The following ERC1 variants were observed in gnomAD, a reference collection of about 807,000 sequenced individuals.
ERC1 encodes RAB6 interacting protein 2.
In ERC1, 56 loss-of-function variants were observed where a neutral mutation model predicts 132.0. The ratio of observed to expected loss-of-function variants is 0.42; its 90% CI spans 0.34 to 0.53. The LOEUF is 0.53. ERC1 is among the 20% of genes least tolerant of loss of function. The pLI, the probability that ERC1 is intolerant of heterozygous loss-of-function variation, is 0.03. For missense variants in ERC1, 1,202 were observed against 1,349.9 expected (o/e 0.89, Z 1.72); for synonymous variants, 478 against 476.1 (o/e 1.00, Z -0.05).
At chr12:1,385,930 T>C (rs2089287138) in intron 16 of ERC1, 1 of 151,754 alleles carries the variant, frequency 6.6e-6, no homozygotes, top group Non-Finnish European at 1.5e-5. Flanking sequence ...CATAATGATA[T>C]AACTATAGGA....
chr12:1,192,727 A>C (rs1955857634), intron 12 of ERC1, among the ~76,000 whole-genome samples: 1 of 152,282 alleles, frequency 6.6e-6, no homozygotes, highest in South Asian at 2.1e-4. Flanking sequence ...ACAGTCTTAT[A>C]CTAGAGTGAA....
At chr12:1,434,529 C>A (rs1288706453) in intron 17 of ERC1, among the ~76,000 whole-genome samples, 3 of 152,192 alleles carry the variant, frequency 2.0e-5, no homozygotes, top group Non-Finnish European at 4.4e-5. Context: ...GAGTATCAGT[C>A]CGTTCTGTCA....
chr12:1,154,456 A>C (rs913392219), intron 8 of ERC1, among the ~76,000 whole-genome samples: 18 of 151,982 alleles, frequency 1.2e-4, no homozygotes, highest in Non-Finnish European at 2.4e-4. Context: ...AAACCATAAA[A>C]ATTCTGGAAG....
intron 13 of ERC1, among the ~76,000 whole-genome samples, chr12:1,260,006 C>A (rs1046671793): frequency 3.9e-5 from 6 of 152,192 alleles, no homozygotes; most frequent in African/African-American, 1.4e-4. Flanking sequence ...TAGGTTGTGT[C>A]ATGCTTGTGG....
intron 13 of ERC1, among the ~76,000 whole-genome samples, chr12:1,262,578 G>A (rs905655748): frequency 3.3e-5 from 5 of 152,210 alleles, no homozygotes; most frequent in African/African-American, 7.2e-5. Context: ...TGTCTATGAA[G>A]AATATCATCT....
At chr12:1,008,119 C>A (rs977480945) in intron 1 of ERC1, among the ~76,000 whole-genome samples, 1 of 152,170 alleles carries the variant, frequency 6.6e-6, no homozygotes, top group African/African-American at 2.4e-5. Context: ...CTGCTAGATA[C>A]CGTTCACTAC....
At chr12:1,110,729 G>A (rs1302457206) in intron 5 of ERC1, among the ~76,000 whole-genome samples, 1 of 152,072 alleles carries the variant, frequency 6.6e-6, no homozygotes, top group Non-Finnish European at 1.5e-5. Context: ...TTGAGATGGA[G>A]TTTCGCTCTT....
At chr12:1,137,079 T>TTTTC (rs1290646234) in intron 7 of ERC1, among the ~76,000 whole-genome samples, 1 of 151,182 alleles carries the variant, frequency 6.6e-6, no homozygotes, top group African/African-American at 2.4e-5. Context: ...TTCTTTTTCT[T>TTTTC]TTTCTTTCTT....
chr12:1,098,969 T>C (rs1208254403), intron 3 of ERC1, among the ~76,000 whole-genome samples: 1 of 152,156 alleles, frequency 6.6e-6, no homozygotes, highest in African/African-American at 2.4e-5. Context: ...CAGGAGAGTG[T>C]GATGTCCTAA....
chr12:1,313,906 C>G (rs1229747115), intron 15 of ERC1, among the ~76,000 whole-genome samples: 1 of 152,122 alleles, frequency 6.6e-6, no homozygotes, highest in Non-Finnish European at 1.5e-5. Flanking sequence ...ATTGCTTGAA[C>G]CTGGAAGGCG....
At chr12:1,247,861 T>C (rs1326824879) in intron 13 of ERC1, among the ~76,000 whole-genome samples, 7 of 152,126 alleles carry the variant, frequency 4.6e-5, no homozygotes, top group Admixed American at 4.6e-4. Flanking sequence ...CCGGGTGTGG[T>C]GGCACATGCC....
At chr12:1,058,001 G>GT (rs999211200) in intron 2 of ERC1, among the ~76,000 whole-genome samples, 4 of 151,336 alleles carry the variant, frequency 2.6e-5, no homozygotes, top group East Asian at 1.9e-4. Context: ...ATCAGATTAG[G>GT]TTTTTTTTGT....
intron 14 of ERC1, among the ~76,000 whole-genome samples, chr12:1,278,171 T>A (rs768382343): frequency 2.0e-5 from 3 of 152,244 alleles, no homozygotes. Flanking sequence ...CCAACAGGGC[T>A]GCCACTTCAA....
chr12:1,442,177 C>T (rs2093174110), intron 17 of ERC1, among the ~76,000 whole-genome samples: 1 of 152,246 alleles, frequency 6.6e-6, no homozygotes, highest in South Asian at 2.1e-4. Flanking sequence ...ATCTGCCCAC[C>T]TTGGCCTCCC....
At chr12:1,004,401 C>CTTTTTTTTTTTTTTTT (rs71055118) in intron 1 of ERC1, among the ~76,000 whole-genome samples, 2 of 95,024 alleles carry the variant, frequency 2.1e-5, no homozygotes, top group African/African-American at 4.1e-5. Flanking sequence ...TTTTCTTTCT[C>CTTTTTTTTTTTTTTTT]TTTTTTTTTT....
chr12:1,393,320 A>G (rs888165712), intron 16 of ERC1, among the ~76,000 whole-genome samples: 4 of 152,220 alleles, frequency 2.6e-5, no homozygotes, highest in African/African-American at 7.2e-5. Flanking sequence ...ACTTGAGCCC[A>G]GGAGTTAGTG....
intron 16 of ERC1, among the ~76,000 whole-genome samples, chr12:1,402,664 AAAC>A (rs1335943067): frequency 8.8e-5 from 12 of 136,828 alleles, no homozygotes; most frequent in Admixed American, 7.7e-4. Context: ...AAGAAAATAA[AAAC>A]AAATTAAATG....
At chr12:1,484,873 G>A (rs1411594826) in intron 18 of ERC1, among the ~76,000 whole-genome samples, 17 of 137,572 alleles carry the variant, frequency 1.2e-4, no homozygotes, top group Admixed American at 4.3e-4. Flanking sequence ...GTGAGCCACC[G>A]TGCTGGGTCT....
At chr12:1,471,705 T>C (rs1308124747) in intron 18 of ERC1, among the ~76,000 whole-genome samples, 1 of 152,180 alleles carries the variant, frequency 6.6e-6, no homozygotes, top group Admixed American at 6.5e-5. Flanking sequence ...TTTCACAAAA[T>C]AATGGTTGAC....
Sources: gnomAD v4.1 joint callset for allele counts (sites outside exome capture counted in the v4.1 genomes callset) on GRCh38, gnomAD v4.1.1 for gene constraint, MANE v1.5 for transcripts, NCBI Gene and HGNC (gene_info 2026-07-23, HGNC 2026-07-21) for gene names.